LRTM1: variants seen among roughly 807,000 people sequenced by gnomAD.
LRTM1 encodes leucine-rich repeat and transmembrane domain-containing protein 1.
In LRTM1, 38 loss-of-function variants were observed where a neutral mutation model predicts 32.4. The ratio of observed to expected loss-of-function variants is 1.17; its 90% CI spans 0.91 to 1.54. The LOEUF (loss-of-function observed/expected upper bound fraction) is 1.54, where lower values mean the gene tolerates loss of function less well. LRTM1 is among the 40% of genes most tolerant of loss of function. The pLI is 0.00. For missense variants in LRTM1, 466 were observed against 415.4 expected, an observed-to-expected ratio of 1.12 and a Z score of -1.06; for synonymous variants, 186 against 169.9, an observed-to-expected ratio of 1.09 and a Z score of -0.74.
At chr3:54,954,850 A>G (rs1213902949) in intron 1 of LRTM1, among the ~76,000 whole-genome samples, 1 of 152,222 alleles carries the variant, frequency 6.6e-6, no homozygotes, top group African/African-American at 2.4e-5. Context: ...AGAAAGAAGA[A>G]CAACTGGGTT....
At chr3:54,920,928 G>C (rs1700829449) in intron 2 of LRTM1, among the ~76,000 whole-genome samples, 1 of 152,178 alleles carries the variant, frequency 6.6e-6, no homozygotes, top group South Asian at 2.1e-4. Flanking sequence ...CAGAGCCAAG[G>C]AAATACCCAG....
At chr3:54,935,486 A>G (rs1701304878) in intron 1 of LRTM1, among the ~76,000 whole-genome samples, 1 of 152,218 alleles carries the variant, frequency 6.6e-6, no homozygotes, top group Admixed American at 6.5e-5. Context: ...ATCAAGAAAC[A>G]TGGCAGCTTA....
At chr3:54,938,649 T>G (rs73845062) in intron 1 of LRTM1, among the ~76,000 whole-genome samples, 2,007 of 151,748 alleles carry the variant, frequency 0.013, 44 homozygotes, top group African/African-American at 0.046. Context: ...CATCTTGATA[T>G]AGACTCAGTG....
At chr3:54,953,604 C>G (rs189733558) in intron 1 of LRTM1, among the ~76,000 whole-genome samples, 1 of 152,328 alleles carries the variant, frequency 6.6e-6, no homozygotes, top group South Asian at 2.1e-4. Context: ...TGGACATCCA[C>G]GATCCTTTCT....
chr3:54,953,733 C>G (rs780033615), intron 1 of LRTM1, among the ~76,000 whole-genome samples: 1 of 152,152 alleles, frequency 6.6e-6, no homozygotes, highest in Non-Finnish European at 1.5e-5. Context: ...GGGGCAACCT[C>G]GGGCTCCTGC....
In LRTM1 at chr3:54,924,621, T is replaced by G; in HGVS notation, c.602A>C (p.Lys201Thr). The change falls in exon 2 of 3, where the codon AAA becomes ACA. Residue 201 changes from lysine (K) to threonine (T), a missense_variant and splice_region_variant. Transcript: ENST00000273286. ...LKLWLEKFVYKGGLTDGIICE... is the reference protein window; with the variant it reads ...LKLWLEKFVYTGGLTDGIICE... ...GGTTCCAAATAGACATGACTGACCTTTATAGACAAATTTCTCCAGCCAGAG... is the reference window on the plus strand; with the variant it reads ...GGTTCCAAATAGACATGACTGACCTGTATAGACAAATTTCTCCAGCCAGAG... 1 of 1,612,676 alleles carries G rather than the reference T, an allele frequency of 6.2e-7. No homozygotes were observed. Among genetic ancestry groups the G allele is most frequent in the Non-Finnish European group, 8.5e-7 (1 of 1,178,948 alleles).
At chr3:54,964,322 A>C (rs1165351784) in intron 1 of LRTM1, among the ~76,000 whole-genome samples, 1 of 152,198 alleles carries the variant, frequency 6.6e-6, no homozygotes, top group African/African-American at 2.4e-5. Context: ...CTGTAATCAA[A>C]TTGAAGTAAG....
intron 1 of LRTM1, among the ~76,000 whole-genome samples, chr3:54,947,234 G>A (rs1364985581): frequency 1.3e-5 from 2 of 152,164 alleles, no homozygotes; most frequent in Non-Finnish European, 2.9e-5. Flanking sequence ...GGGATCACTG[G>A]ATTCTAATTC....
Position 54,918,529 on chromosome 3 carries a change from C to T in LRTM1, c.968G>A (p.Gly323Glu). 6.2e-7 allele frequency: 1 copy of T among 1,613,942 alleles called. No individual in the cohort carries two copies. Among genetic ancestry groups the T allele is most frequent in the Non-Finnish European group, 8.5e-7 (1 of 1,179,962 alleles). Residue 323 changes from glycine (G) to glutamate (E), a missense_variant, in exon 3 of 3, where the codon GGA becomes GAA. Coordinates refer to ENST00000273286, the MANE Select transcript of LRTM1 (RefSeq NM_020678.4). Reference protein sequence around the residue: ...YAAITAQYHGGPLAQTNDPGK... With the variant: ...YAAITAQYHGEPLAQTNDPGK... ...AGGATCATTGGTTTGAGCCAAGGGTCCCCCATGGTACTGGGCTGTGATTGC... is the reference window on the plus strand; with the variant it reads ...AGGATCATTGGTTTGAGCCAAGGGTTCCCCATGGTACTGGGCTGTGATTGC...
intron 1 of LRTM1, among the ~76,000 whole-genome samples, chr3:54,944,226 C>T (rs1350897345): frequency 5.9e-5 from 9 of 151,942 alleles, no homozygotes; most frequent in Admixed American, 4.6e-4. Context: ...TGAGGACCTG[C>T]GAACTCTTTT....
At chr3:54,952,552 T>C (rs1701784231) in intron 1 of LRTM1, among the ~76,000 whole-genome samples, 1 of 152,202 alleles carries the variant, frequency 6.6e-6, no homozygotes, top group Admixed American at 6.5e-5. Context: ...ATGTCAATCT[T>C]TTCTATAGGG....
chr3:54,926,355 C>T (rs66892778), intron 1 of LRTM1, among the ~76,000 whole-genome samples: 65,720 of 151,912 alleles, frequency 0.43, 15,166 homozygotes, highest in East Asian at 0.76. Context: ...TGCCCAAGTT[C>T]ACACAGAGTA....
Position 54,918,806 on chromosome 3 carries a change from G to T in LRTM1, c.691C>A (p.Pro231Thr), listed in dbSNP as rs1348280960. Residue 231 changes from proline (P) to threonine (T), a missense_variant, in exon 3 of 3, where the codon CCC becomes ACC. Pro to Thr is a conservative substitution (Grantham distance 38). Coordinates refer to ENST00000273286, the MANE Select transcript of LRTM1 (RefSeq NM_020678.4). ...LLRIPHELYQ[P>T]CPLPAPDPVS... is the part of the protein sequence containing the mutation. ...GGATCAGGAGCAGGAAGAGGGCAGG[G>T]CTGGTACAGCTCATGAGGGATCCTA... 3.7e-6 allele frequency: 6 copies of T among 1,613,450 alleles called. No individual in the cohort carries two copies. The African/African-American group carries it at 8.0e-5, about 22-fold the overall frequency.
At chr3:54,930,737 C>G (rs975499258), upstream of LRTM1, among the ~76,000 whole-genome samples, 1 of 152,196 alleles carries the variant, frequency 6.6e-6, no homozygotes, top group Non-Finnish European at 1.5e-5. Flanking sequence ...CCTACCTCGC[C>G]GGAGGCAGGG....
At chr3:54,956,969 T>G (rs1701913745) in intron 1 of LRTM1, among the ~76,000 whole-genome samples, 1 of 152,122 alleles carries the variant, frequency 6.6e-6, no homozygotes, top group African/African-American at 2.4e-5. Context: ...GGCCCATAAC[T>G]TTCTTCTATG....
intron 2 of LRTM1, among the ~76,000 whole-genome samples, chr3:54,919,465 G>A (rs4077115): frequency 0.06 from 9,168 of 152,242 alleles, 340 homozygotes; most frequent in Middle Eastern, 0.12. Flanking sequence ...CCTGGAATTC[G>A]GTACCATGAA....
Position 54,918,547 on chromosome 3 carries a change from G to A in LRTM1, c.950C>T (p.Thr317Ile), listed in dbSNP as rs911270789. 9 of 1,613,902 alleles carry A rather than the reference G, an allele frequency of 5.6e-6. No individual in the cohort carries two copies. In the African/African-American group the frequency reaches 1.2e-4, roughly 22 times the overall value. ...CAAGGGTCCCCCATGGTACTGGGCT[G>A]TGATTGCCGCATAGGTGCAGCCATA... ...AIYGCTYAAI[T>I]AQYHGGPLAQ... Residue 317 changes from threonine (T) to isoleucine (I), a missense_variant, in exon 3 of 3, where the codon ACA (threonine) becomes ATA (isoleucine). Transcript: ENST00000273286.
At chr3:54,930,046 AT>A (rs1701146185), upstream of LRTM1, among the ~76,000 whole-genome samples, 1 of 152,208 alleles carries the variant, frequency 6.6e-6, no homozygotes. Context: ...CTCCATTGCA[AT>A]TATTGGACTC....
At chr3:54,930,333 G>T (rs2106954278), upstream of LRTM1, among the ~76,000 whole-genome samples, 1 of 152,228 alleles carries the variant, frequency 6.6e-6, no homozygotes, top group South Asian at 2.1e-4. Flanking sequence ...GATCTTTAAG[G>T]CCTTCTTATG....
Sources: gnomAD v4.1 joint callset for allele counts (sites outside exome capture counted in the v4.1 genomes callset) on GRCh38, gnomAD v4.1.1 for gene constraint, MANE v1.5 for transcripts, NCBI Gene and HGNC (gene_info 2026-07-23, HGNC 2026-07-21) for gene names.